EFCAB6: variants seen among roughly 807,000 people sequenced by gnomAD.
EFCAB6 encodes the protein EF-hand calcium binding domain 6, also known as EF-hand calcium-binding domain-containing protein 6.
A neutral mutation model predicts 169.8 loss-of-function variants in EFCAB6; 156 were observed. The observed-to-expected ratio is 0.92, with a 90% confidence interval of 0.81 to 1.05. The LOEUF is 1.05. EFCAB6 is among the 50% of genes least tolerant of loss of function. The pLI is 0.00. For synonymous variants in EFCAB6, 698 were observed against 676.4 expected (o/e 1.03, Z -0.50); for missense variants, 1,800 against 1,829.1 (o/e 0.98, Z 0.29).
intron 27 of EFCAB6, among the ~76,000 whole-genome samples, chr22:43,541,574 T>G (rs1402963640): frequency 6.6e-6 from 1 of 151,122 alleles, no homozygotes; most frequent in Non-Finnish European, 1.5e-5. Context: ...TTCGTGTTGA[T>G]TGCATTCTGA....
At chr22:43,641,733 A>T (rs2055817961) in intron 17 of EFCAB6, among the ~76,000 whole-genome samples, 1 of 152,180 alleles carries the variant, frequency 6.6e-6, no homozygotes, top group African/African-American at 2.4e-5. Flanking sequence ...CAGCTCCTCA[A>T]CGGGTGGTGC....
At chr22:43,706,520 T>A (rs112483361) in intron 10 of EFCAB6, among the ~76,000 whole-genome samples, 12,716 of 152,254 alleles carry the variant, frequency 0.084, 663 homozygotes, top group South Asian at 0.17. Context: ...CTCCAATGAG[T>A]CTTTGGTATC....
At chr22:43,748,262 A>G (rs1297720365) in intron 6 of EFCAB6, among the ~76,000 whole-genome samples, 1 of 152,204 alleles carries the variant, frequency 6.6e-6, no homozygotes, top group Non-Finnish European at 1.5e-5. Flanking sequence ...CTCCTGACCC[A>G]TGCCGAAGGG....
intron 10 of EFCAB6, among the ~76,000 whole-genome samples, chr22:43,689,015 T>C (rs1286765789): frequency 1.3e-5 from 2 of 152,150 alleles, no homozygotes; most frequent in Admixed American, 6.5e-5. Flanking sequence ...TCTTTTGGTA[T>C]GCTTGAGTCC....
chr22:43,601,168 G>C (rs1369584846), intron 22 of EFCAB6, among the ~76,000 whole-genome samples: 1 of 152,132 alleles, frequency 6.6e-6, no homozygotes, highest in Non-Finnish European at 1.5e-5. Flanking sequence ...AGGAAAACAA[G>C]ATAAGAATTA....
chr22:43,539,818 C>G (rs1033108822), intron 28 of EFCAB6, among the ~76,000 whole-genome samples: 4 of 152,226 alleles, frequency 2.6e-5, no homozygotes, highest in Non-Finnish European at 5.9e-5. Context: ...ACAGAGTTGC[C>G]GGCAGCACCA....
At position 43,806,185 on chromosome 22, in the gene EFCAB6, G is replaced by C. The variant is rs1240781385; in HGVS notation, c.-8+2810C>G. On this transcript the variant is annotated intron_variant, in intron 2 of 31. Coordinates refer to ENST00000262726, the MANE Select transcript of EFCAB6 (RefSeq NM_022785.4). The stretch of plus-strand genomic sequence containing the variant: ...TCTCAAAAGAAAAGAGAGGAGAGGA[G>C]GGGGAGGGGAGGGGAGGGGAGGGGA... Among the ~76,000 whole-genome samples, 3 of 135,698 alleles carry C rather than the reference G, an allele frequency of 2.2e-5. No homozygotes were observed. In the East Asian group the frequency reaches 6.2e-4, roughly 28 times the overall value. 89.0% of individuals were successfully genotyped at this position (135,698 alleles called of 152,430 possible).
chr22:43,632,602 C>T (rs2055060364), intron 18 of EFCAB6, among the ~76,000 whole-genome samples: 1 of 152,340 alleles, frequency 6.6e-6, no homozygotes, highest in South Asian at 2.1e-4. Context: ...ACCCGGCCCA[C>T]TGGCTTCATT....
intron 11 of EFCAB6, among the ~76,000 whole-genome samples, chr22:43,685,565 G>A (rs540785835): frequency 9.8e-5 from 15 of 152,320 alleles, no homozygotes; most frequent in South Asian, 4.1e-4. Context: ...ATGAAGAGAC[G>A]TCATTTTTGT....
chr22:43,742,985 G>T (rs1432191268), intron 6 of EFCAB6, among the ~76,000 whole-genome samples: 1 of 152,234 alleles, frequency 6.6e-6, no homozygotes, highest in Non-Finnish European at 1.5e-5. Context: ...AGAAAACTCT[G>T]AAGTTCCAAA....
At chr22:43,808,269 T>C (rs9626029) in intron 2 of EFCAB6, among the ~76,000 whole-genome samples, 70,523 of 152,050 alleles carry the variant, frequency 0.46, 16,841 homozygotes, top group Middle Eastern at 0.57. Context: ...ACTACACCAT[T>C]TTATATAAGG....
chr22:43,788,995 T>C (rs2148093998), intron 2 of EFCAB6, among the ~76,000 whole-genome samples: 1 of 152,264 alleles, frequency 6.6e-6, no homozygotes, highest in East Asian at 1.9e-4. Context: ...ACTGTATCAT[T>C]CCATTTATAT....
At chr22:43,653,502 C>T (rs2056583672) in intron 17 of EFCAB6, among the ~76,000 whole-genome samples, 1 of 152,156 alleles carries the variant, frequency 6.6e-6, no homozygotes, top group Non-Finnish European at 1.5e-5. Context: ...TTGCTTTCAC[C>T]TCTGACATGT....
intron 7 of EFCAB6, among the ~76,000 whole-genome samples, chr22:43,735,129 A>G (rs2060084516): frequency 6.6e-6 from 1 of 152,188 alleles, no homozygotes; most frequent in Non-Finnish European, 1.5e-5. Flanking sequence ...CTTTCACTCA[A>G]AACTCATGTA....
chr22:43,556,986 AGGAGCCTCT>A (rs1205249135), intron 26 of EFCAB6, among the ~76,000 whole-genome samples: 3 of 152,236 alleles, frequency 2.0e-5, no homozygotes. Flanking sequence ...AACAGAGTAG[AGGAGCCTCT>A]CCTGGACATA....
chr22:43,746,562 A>G (rs1457209476), intron 6 of EFCAB6, among the ~76,000 whole-genome samples: 1 of 152,116 alleles, frequency 6.6e-6, no homozygotes, highest in Non-Finnish European at 1.5e-5. Flanking sequence ...CTAGCTACCC[A>G]TTGAGCTTAC....
At chr22:43,613,675 C>T (rs2053484384) in intron 21 of EFCAB6, among the ~76,000 whole-genome samples, 1 of 152,056 alleles carries the variant, frequency 6.6e-6, no homozygotes, top group Admixed American at 6.6e-5. Flanking sequence ...AGCTTAGTAC[C>T]TGGGTGACGA....
chr22:43,529,937 A>G (rs1186385353), intron 31 of EFCAB6, among the ~76,000 whole-genome samples: 1 of 152,212 alleles, frequency 6.6e-6, no homozygotes, highest in Non-Finnish European at 1.5e-5. Flanking sequence ...TTTCCTATCC[A>G]CATTTGCGTT....
At chr22:43,644,694 A>T (rs896113737) in intron 17 of EFCAB6, among the ~76,000 whole-genome samples, 1 of 152,226 alleles carries the variant, frequency 6.6e-6, no homozygotes, top group African/African-American at 2.4e-5. Context: ...TGATCATGAC[A>T]ATGAAAATGA....
Sources: gnomAD v4.1 joint callset for allele counts (sites outside exome capture counted in the v4.1 genomes callset) on GRCh38, gnomAD v4.1.1 for gene constraint, MANE v1.5 for transcripts, NCBI Gene and HGNC (gene_info 2026-07-23, HGNC 2026-07-21) for gene names.